Variants in GOLGA8S observed in about 807,000 individuals in gnomAD.
GOLGA8S encodes the protein golgin subfamily A member 8S.
In GOLGA8S, 23 loss-of-function variants were observed where a neutral mutation model predicts 58.9. That is an observed-to-expected ratio of 0.39 (90% CI 0.28 to 0.55). GOLGA8S has a LOEUF of 0.55. Among genes scored for constraint, GOLGA8S ranks in the 20% least tolerant of loss-of-function variants. The pLI, the probability that GOLGA8S is intolerant of heterozygous loss-of-function variation, is 0.63. For missense variants in GOLGA8S, 266 were observed against 514.2 expected, an observed-to-expected ratio of 0.52 and a Z score of 4.67; for synonymous variants, 84 against 195.7, an observed-to-expected ratio of 0.43 and a Z score of 4.76.
intron 8 of GOLGA8S, among the ~76,000 whole-genome samples, chr15:23,359,993 A>G (rs1311805843): frequency 4.0e-5 from 6 of 149,704 alleles, no homozygotes; most frequent in Non-Finnish European, 8.9e-5. Context: ...TAATAATAAC[A>G]GTAATAACAA....
chr15:23,359,890 T>C lies in GOLGA8S; in HGVS notation c.592-342T>C, dbSNP rs548248756. On this transcript the variant is annotated intron_variant, in intron 8 of 18. Coordinates refer to ENST00000562295, the Ensembl canonical transcript of GOLGA8S. Reference sequence around the variant, plus strand: ...TTTTTCATCTACACAATAGAGGTCATCATAGTAACTGTCTCCCATGGTGGT... The same window carrying C: ...TTTTTCATCTACACAATAGAGGTCACCATAGTAACTGTCTCCCATGGTGGT... Among the ~76,000 whole-genome samples, 133 of 148,192 alleles carry C rather than the reference T, an allele frequency of 9.0e-4. 13 individuals are homozygous for C. Among genetic ancestry groups the C allele is most frequent in the African/African-American group, 3.3e-3 (132 of 39,496 alleles).
chr15:23,361,575 T>G, intron 12 of GOLGA8S, 119 bp downstream of exon 12: 1 of 631,214 alleles, frequency 1.6e-6, no homozygotes, highest in Non-Finnish European at 2.8e-6. Flanking sequence ...AAGGCACCTG[T>G]GAGCCAGAGC....
chr15:23,358,178 C>T (rs1350882645), intron 4 of GOLGA8S, among the ~76,000 whole-genome samples: 1 of 152,284 alleles, frequency 6.6e-6, no homozygotes. Context: ...TTCTAAATCA[C>T]AAGCTGGCAG....
At chr15:23,358,238 C>T (rs2069719102) in intron 4 of GOLGA8S, among the ~76,000 whole-genome samples, 1 of 152,302 alleles carries the variant, frequency 6.6e-6, no homozygotes, top group Non-Finnish European at 1.5e-5. Flanking sequence ...TATTGCTGTC[C>T]TCTCAAGAGA....
exon 12 of GOLGA8S, chr15:23,361,400 G>A: frequency 1.1e-6 from 1 of 934,670 alleles, no homozygotes; most frequent in Non-Finnish European, 1.6e-6. Context: ...GAGGCTTCCA[G>A]AGCAGGAGGA....
At chr15:23,366,161 G>A (rs1332927124), downstream of GOLGA8S, 1 of 151,722 alleles carries the variant, frequency 6.6e-6, no homozygotes, top group East Asian at 1.9e-4. Flanking sequence ...AATCCTTTAC[G>A]AGTTCAAATG....
intron 4 of GOLGA8S, among the ~76,000 whole-genome samples, chr15:23,358,049 C>G (rs891013470): frequency 3.3e-5 from 5 of 151,090 alleles, no homozygotes; most frequent in Admixed American, 1.3e-4. Flanking sequence ...TAAAGGCCTC[C>G]TAGAATGGAA....
At chr15:23,365,494 A>C (rs1596020436), downstream of GOLGA8S, 10 of 373,850 alleles carry the variant, frequency 2.7e-5, no homozygotes, top group East Asian at 6.0e-4. Flanking sequence ...ATGCTTTTTT[A>C]ATGTTATTGC....
rs373393734 is a variant in GOLGA8S at position 23,361,128 on chromosome 15, G to A, written c.875-93G>A. On this transcript the variant is annotated intron_variant, in intron 11 of 18. Transcript: ENST00000562295. ...CCGGAGAGGAGCTGTGCGCCAAGAGGAGGGTTTTTTCTTTTCTTTTCTTTT... is the reference window on the plus strand; with the variant it reads ...CCGGAGAGGAGCTGTGCGCCAAGAGAAGGGTTTTTTCTTTTCTTTTCTTTT... 8.5e-6 allele frequency: 8 copies of A among 939,728 alleles called. No individual in the cohort carries two copies. In the Admixed American group the frequency reaches 1.2e-4, roughly 14 times the overall value. The allele number at this position is 939,728 out of a possible 1,614,324, so 58.2% of individuals were successfully genotyped here.
intron 12 of GOLGA8S, 36 bp downstream of exon 12, chr15:23,361,492 C>T (rs780848880): frequency 1.8e-5 from 14 of 768,286 alleles, no homozygotes; most frequent in Non-Finnish European, 3.0e-5. Flanking sequence ...GCCCTCCTCC[C>T]TAGCCCTCCA....
At chr15:23,361,170 T>TTTTCTTTTTTTTTC in intron 11 of GOLGA8S, 51 bp from the exon 12 acceptor site, 1 of 296,922 alleles carries the variant, frequency 3.4e-6, no homozygotes. Flanking sequence ...TTTTCTTTTC[T>TTTTCTTTTTTTTTC]TTTTTTTTTT....
intron 8 of GOLGA8S, among the ~76,000 whole-genome samples, chr15:23,359,459 T>C (rs1191888073): frequency 6.8e-6 from 1 of 146,452 alleles, no homozygotes; most frequent in African/African-American, 2.6e-5. Context: ...TGCCTTTACC[T>C]GGCTGTGGTC....
downstream of GOLGA8S, chr15:23,366,417 A>G (rs1332895204): frequency 6.6e-6 from 1 of 151,836 alleles, no homozygotes. Flanking sequence ...ATAAACTAAT[A>G]TATGTGAGAT....
At chr15:23,361,379 G>A (rs2069799203) in exon 12 of GOLGA8S, 1 of 868,536 alleles carries the variant, frequency 1.2e-6, no homozygotes, top group Admixed American at 2.4e-5. Flanking sequence ...GAGGCTTCGG[G>A]AGCAGCAGGA....
chr15:23,364,503 G>C lies in GOLGA8S; in HGVS notation c.1449-23G>C, dbSNP rs4036661. ...ACAGGGCCGTCGGAGGGGCCCCAGC[G>C]TCTGAGCCCTGTCCTCCCGCAGGAA... On this transcript the variant is annotated intron_variant, in intron 16 of 18. Transcript: ENST00000562295. 23 of 1,592,198 alleles carry C rather than the reference G, an allele frequency of 1.4e-5. No individual in the cohort carries two copies. In the Admixed American group the frequency reaches 1.7e-4, roughly 12 times the overall value.
At chr15:23,358,251 C>A (rs1194517997) in intron 4 of GOLGA8S, among the ~76,000 whole-genome samples, 5 of 152,258 alleles carry the variant, frequency 3.3e-5, no homozygotes, top group Non-Finnish European at 7.4e-5. Flanking sequence ...TCAAGAGATT[C>A]CAGATTCAGA....
At chr15:23,360,790 C>T in exon 11 of GOLGA8S, 1 of 1,436,192 alleles carries the variant, frequency 7.0e-7, no homozygotes, top group Non-Finnish European at 9.8e-7. Flanking sequence ...TGGAGAGGAG[C>T]TTGTCCAAAC....
chr15:23,358,062 C>A (rs1306000902), intron 4 of GOLGA8S, among the ~76,000 whole-genome samples: 1 of 151,046 alleles, frequency 6.6e-6, no homozygotes, highest in East Asian at 1.9e-4. Flanking sequence ...GAATGGAAAC[C>A]TCAGGGCCAA....
rs1423167384 is a variant in GOLGA8S at position 23,359,494 on chromosome 15, G to T, written c.591+285G>T. ...CTTGGCCAAGTCCTCAGTGGGTATT[G>T]GGTACTTGTACTGTGAAGGTACAGA... On this transcript the variant is annotated intron_variant, in intron 8 of 18. Transcript: ENST00000562295. Among the ~76,000 whole-genome samples the T allele has an allele frequency of 4.1e-5, 6 of 144,812 alleles. 1 individual carries two copies. The highest frequency in any genetic ancestry group is 1.3e-4 in the African/African-American group (5 of 38,206).
Sources: allele counts gnomAD v4.1 joint callset (sites outside exome capture counted in the v4.1 genomes callset), GRCh38; gene constraint gnomAD v4.1.1; transcripts MANE v1.5; gene names NCBI Gene and HGNC (gene_info 2026-07-23, HGNC 2026-07-21).